LRRC4C: variants seen among roughly 807,000 people sequenced by gnomAD.
LRRC4C encodes leucine-rich repeat-containing protein 4C.
Under a neutral mutation model 33.6 loss-of-function variants are expected in LRRC4C, and 5 were observed. The observed-to-expected ratio is 0.15, with a 90% CI of 0.08 to 0.31. The LOEUF is 0.31. LRRC4C is among the 10% of genes least tolerant of loss of function. The pLI is 1.00. For missense variants in LRRC4C, 560 were observed against 796.7 expected, an observed-to-expected ratio of 0.70 and a Z score of 3.58; for synonymous variants, 329 against 302.0, an observed-to-expected ratio of 1.09 and a Z score of -0.93.
intron 1 of LRRC4C, among the ~76,000 whole-genome samples, chr11:40,996,755 T>C (rs1854005489): frequency 6.6e-6 from 1 of 152,024 alleles, no homozygotes. Context: ...AACAGGAGTG[T>C]CACATGGTCA....
intron 1 of LRRC4C, among the ~76,000 whole-genome samples, chr11:41,376,252 T>C (rs1031044944): frequency 1.3e-5 from 2 of 152,296 alleles, no homozygotes; most frequent in African/African-American, 4.8e-5. Flanking sequence ...GGGAGTGTGC[T>C]GAATAAGAAT....
intron 3 of LRRC4C, among the ~76,000 whole-genome samples, chr11:40,576,168 G>A (rs1958183531): frequency 6.6e-6 from 1 of 152,202 alleles, no homozygotes; most frequent in Non-Finnish European, 1.5e-5. Context: ...AGAGAGGGAT[G>A]AAGGAAGATA....
At chr11:40,759,822 A>G (rs1004458344) in intron 2 of LRRC4C, among the ~76,000 whole-genome samples, 7 of 152,030 alleles carry the variant, frequency 4.6e-5, no homozygotes, top group African/African-American at 1.7e-4. Flanking sequence ...AGTTACACTA[A>G]GGGAACTTCT....
At chr11:41,035,915 T>A (rs181331345) in intron 1 of LRRC4C, among the ~76,000 whole-genome samples, 67 of 152,124 alleles carry the variant, frequency 4.4e-4, no homozygotes, top group African/African-American at 1.5e-3. Context: ...TTAAGAGAAA[T>A]GATAGAAAAT....
At chr11:40,342,208 T>A (rs950222955) in intron 3 of LRRC4C, among the ~76,000 whole-genome samples, 2 of 152,192 alleles carry the variant, frequency 1.3e-5, no homozygotes, top group Non-Finnish European at 2.9e-5. Flanking sequence ...CAGTGGCTTA[T>A]GCCTGTAATC....
chr11:40,176,057 A>G (rs1860456113), intron 5 of LRRC4C, among the ~76,000 whole-genome samples: 1 of 152,144 alleles, frequency 6.6e-6, no homozygotes, highest in African/African-American at 2.4e-5. Context: ...TTCCAGCAAT[A>G]TAAATATATT....
At chr11:41,387,444 G>A (rs1953405458) in intron 1 of LRRC4C, among the ~76,000 whole-genome samples, 1 of 151,698 alleles carries the variant, frequency 6.6e-6, no homozygotes, top group Non-Finnish European at 1.5e-5. Flanking sequence ...TGGCTTAAAA[G>A]GGTGTGGAGC....
intron 1 of LRRC4C, among the ~76,000 whole-genome samples, chr11:41,365,075 G>A (rs1052270071): frequency 6.6e-6 from 1 of 152,106 alleles, no homozygotes; most frequent in Non-Finnish European, 1.5e-5. Flanking sequence ...TAGGAACTGG[G>A]CTGCAAAGCA....
intron 2 of LRRC4C, among the ~76,000 whole-genome samples, chr11:40,800,040 A>C (rs994489981): frequency 3.3e-5 from 5 of 152,200 alleles, no homozygotes; most frequent in Non-Finnish European, 7.3e-5. Flanking sequence ...AAGAGGGAAA[A>C]AGAACAATGT....
chr11:41,228,870 C>G (rs1217878022), intron 1 of LRRC4C, among the ~76,000 whole-genome samples: 1 of 152,148 alleles, frequency 6.6e-6, no homozygotes, highest in Admixed American at 6.6e-5. Context: ...CAAAATCTTA[C>G]AGCTTATAGC....
chr11:41,075,369 A>G (rs1308785156), intron 1 of LRRC4C, among the ~76,000 whole-genome samples: 1 of 152,192 alleles, frequency 6.6e-6, no homozygotes, highest in Non-Finnish European at 1.5e-5. Context: ...TGAATAATAT[A>G]TGCAAGTTGC....
intron 2 of LRRC4C, among the ~76,000 whole-genome samples, chr11:40,866,121 A>G (rs1249245979): frequency 6.6e-6 from 1 of 151,608 alleles, no homozygotes; most frequent in African/African-American, 2.4e-5. Flanking sequence ...ACCGATCAAT[A>G]ACAGAGCAGC....
chr11:40,740,016 A>G (rs1006576420), intron 2 of LRRC4C, among the ~76,000 whole-genome samples: 7 of 151,824 alleles, frequency 4.6e-5, no homozygotes, highest in Non-Finnish European at 8.8e-5. Context: ...AATATGGCAT[A>G]ATCTTATATG....
chr11:41,393,882 C>T (rs1953701280), intron 1 of LRRC4C, among the ~76,000 whole-genome samples: 1 of 151,932 alleles, frequency 6.6e-6, no homozygotes, highest in Admixed American at 6.6e-5. Flanking sequence ...CATCCATTTC[C>T]TTGCATATGT....
chr11:40,841,421 T>C (rs1191298246), intron 2 of LRRC4C, among the ~76,000 whole-genome samples: 1 of 152,214 alleles, frequency 6.6e-6, no homozygotes, highest in Non-Finnish European at 1.5e-5. Context: ...CATTTGGAGA[T>C]GAGGCCTCTA....
At chr11:40,245,054 G>C in intron 4 of LRRC4C, among the ~76,000 whole-genome samples, 1 of 152,082 alleles carries the variant, frequency 6.6e-6, no homozygotes, top group East Asian at 1.9e-4. Context: ...CTTTGTTTGT[G>C]ACCTCTGTTG....
intron 2 of LRRC4C, among the ~76,000 whole-genome samples, chr11:40,844,945 C>CT (rs903967979): frequency 4.0e-5 from 6 of 151,346 alleles, no homozygotes; most frequent in African/African-American, 7.3e-5. Flanking sequence ...TCTTTTTGTC[C>CT]TTTTTTTTAA....
At chr11:40,796,513 C>T (rs1422957218) in intron 2 of LRRC4C, among the ~76,000 whole-genome samples, 2 of 151,100 alleles carry the variant, frequency 1.3e-5, no homozygotes, top group African/African-American at 4.9e-5. Context: ...CAGGCATGTA[C>T]AACAGCAAGA....
chr11:40,713,138 C>A (rs1340084021), intron 2 of LRRC4C, among the ~76,000 whole-genome samples: 1 of 151,754 alleles, frequency 6.6e-6, no homozygotes, highest in African/African-American at 2.4e-5. Flanking sequence ...AGGTGGTCCA[C>A]CCACCTTAGC....
Sources: allele counts gnomAD v4.1 joint callset (sites outside exome capture counted in the v4.1 genomes callset), GRCh38; gene constraint gnomAD v4.1.1; transcripts MANE v1.5; gene names NCBI Gene and HGNC (gene_info 2026-07-23, HGNC 2026-07-21).